CREBBP: variants seen among roughly 807,000 people sequenced by gnomAD.
The protein encoded by CREBBP is CREB-binding protein.
CREBBP carries 19 observed loss-of-function variants against 265.0 expected under a neutral mutation model. The ratio of observed to expected loss-of-function variants is 0.07; its 90% CI spans 0.05 to 0.11. The LOEUF (loss-of-function observed/expected upper bound fraction) is 0.11. Ranked by LOEUF, CREBBP falls within the 10% of genes least tolerant of loss-of-function variation. The pLI, the probability that CREBBP is intolerant of heterozygous loss-of-function variation, is 1.00. For synonymous variants in CREBBP, 1,457 were observed against 1,223.7 expected, an observed-to-expected ratio of 1.19 and a Z score of -3.98; for missense variants, 2,525 against 3,219.0, an observed-to-expected ratio of 0.78 and a Z score of 5.22.
chr16:3,758,849 C>T lies in CREBBP; in HGVS notation c.3369+5G>A, dbSNP rs1200155627. On this transcript the variant is annotated splice_donor_5th_base_variant and intron_variant, in intron 17 of 30. Transcript: ENST00000262367. ...GTTATAATCTATTTTTATGAATTAACTTACTGGAATTCCGAGGAGCTGGGG... is the reference window on the plus strand; with the variant it reads ...GTTATAATCTATTTTTATGAATTAATTTACTGGAATTCCGAGGAGCTGGGG... The T allele has an allele frequency of 6.3e-7, 1 of 1,599,252 alleles. No homozygotes were observed. Among genetic ancestry groups the T allele is most frequent in the Non-Finnish European group, 8.6e-7 (1 of 1,167,992 alleles).
In CREBBP at chr16:3,850,681, G is replaced by A. The variant is rs542552676; in HGVS notation, c.414C>T (p.Ala138=). 4.9e-5 allele frequency: 79 copies of A among 1,614,174 alleles called. No individual in the cohort carries two copies. The East Asian group carries it at 1.2e-3, about 25-fold the overall frequency. Reference sequence around the variant, plus strand: ...CAGCGGGGGTGGGCCCAGAGGTGCTGGCTGCCTGTTTAGGCAGGCTGGGGG... The same window carrying A: ...CAGCGGGGGTGGGCCCAGAGGTGCTAGCTGCCTGTTTAGGCAGGCTGGGGG... ...SSAPSLPKQA[A]STSGPTPAAS... is the part of the protein sequence containing the mutation. Residue 138 remains alanine (A), a synonymous_variant, in exon 2 of 31, where the codon GCC becomes GCT. Coordinates refer to ENST00000262367, the MANE Select transcript of CREBBP (RefSeq NM_004380.3).
At chr16:3,838,648 T>C (rs2054504559) in intron 2 of CREBBP, among the ~76,000 whole-genome samples, 2 of 152,230 alleles carry the variant, frequency 1.3e-5, no homozygotes, top group African/African-American at 4.8e-5. Flanking sequence ...TAAGTATGAC[T>C]GGATGATAGG....
chr16:3,773,597 C>A, intron 13 of CREBBP, 154 bp downstream of exon 13: 1 of 798,070 alleles, frequency 1.3e-6, no homozygotes, highest in Non-Finnish European at 2.0e-6. Flanking sequence ...GACTACAGGA[C>A]AAAGGTGGAG....
intron 28 of CREBBP, among the ~76,000 whole-genome samples, chr16:3,734,326 C>T (rs1170149472): frequency 6.6e-6 from 1 of 152,122 alleles, no homozygotes. Flanking sequence ...CCATTGTTGT[C>T]CATGAACCAA....
chr16:3,808,191 G>A (rs1339816413), intron 3 of CREBBP, among the ~76,000 whole-genome samples: 4 of 151,794 alleles, frequency 2.6e-5, no homozygotes, highest in Non-Finnish European at 5.9e-5. Context: ...GAGGCAGAGA[G>A]GAAAAGAAGT....
At chr16:3,766,100 T>G (rs2052845848) in intron 16 of CREBBP, among the ~76,000 whole-genome samples, 1 of 152,142 alleles carries the variant, frequency 6.6e-6, no homozygotes. Flanking sequence ...ATGGAAAATC[T>G]GCAGAACTTA....
At chr16:3,845,396 G>A (rs1209191774) in intron 2 of CREBBP, among the ~76,000 whole-genome samples, 3 of 152,172 alleles carry the variant, frequency 2.0e-5, no homozygotes, top group Admixed American at 2.0e-4. Flanking sequence ...TAAAGAAAAA[G>A]AGTTCAGAAA....
intron 16 of CREBBP, among the ~76,000 whole-genome samples, chr16:3,762,844 G>C (rs1173144936): frequency 6.7e-6 from 1 of 149,692 alleles, no homozygotes; most frequent in Non-Finnish European, 1.5e-5. Context: ...GCGCGATCTC[G>C]GCTCACTGCA....
rs371285951 is a variant in CREBBP at position 3,781,247 on chromosome 16, A to G, written c.1633T>C (p.Leu545=). ...GTCGGAAGAGCTGATTCTGAAATCA[A>G]GTTTGGGGGCTGCTGATCTGTTGTT... ...GITTDQQPPN[L]ISESALPTSL... is the part of the protein sequence containing the mutation. The change falls in exon 7 of 31, where the codon TTG becomes CTG. Residue 545 remains leucine, a synonymous_variant. Coordinates refer to ENST00000262367, the MANE Select transcript of CREBBP (RefSeq NM_004380.3). 109 of 1,613,958 alleles carry G rather than the reference A, an allele frequency of 6.8e-5. No homozygotes were observed. The highest frequency in any genetic ancestry group is 4.0e-5 in the African/African-American group (3 of 74,914).
At chr16:3,748,165 G>C (rs948466501) in intron 21 of CREBBP, among the ~76,000 whole-genome samples, 4 of 152,002 alleles carry the variant, frequency 2.6e-5, no homozygotes, top group Admixed American at 1.3e-4. Flanking sequence ...TGTAATCCCA[G>C]CCACTTGGGA....
At chr16:3,743,953 G>C (rs996056700) in intron 23 of CREBBP, among the ~76,000 whole-genome samples, 5 of 152,084 alleles carry the variant, frequency 3.3e-5, no homozygotes, top group Non-Finnish European at 5.9e-5. Context: ...GCGGGCGCCT[G>C]TAGTCCCAGC....
chr16:3,763,330 T>G (rs1289700167), intron 16 of CREBBP, among the ~76,000 whole-genome samples: 7 of 152,096 alleles, frequency 4.6e-5, no homozygotes, highest in Admixed American at 4.6e-4. Context: ...AGCTATTTTC[T>G]TATTTTTTTC....
intron 2 of CREBBP, among the ~76,000 whole-genome samples, chr16:3,831,669 C>T (rs891276011): frequency 2.0e-5 from 3 of 152,032 alleles, no homozygotes; most frequent in Admixed American, 1.3e-4. Context: ...AGAGAGCACA[C>T]CAGACATTAT....
At chr16:3,735,236 G>A (rs2052023020) in intron 28 of CREBBP, among the ~76,000 whole-genome samples, 2 of 152,170 alleles carry the variant, frequency 1.3e-5, no homozygotes, top group Non-Finnish European at 2.9e-5. Flanking sequence ...ACCATGCTTG[G>A]GTCTGGGTTC....
At chr16:3,845,288 C>T (rs1368035153) in intron 2 of CREBBP, among the ~76,000 whole-genome samples, 2 of 152,090 alleles carry the variant, frequency 1.3e-5, no homozygotes, top group East Asian at 3.9e-4. Context: ...TTGAGAACCA[C>T]CTGTGTGAGA....
Position 3,782,299 on chromosome 16 carries a change from A to C in CREBBP, c.1573+385T>G, listed in dbSNP as rs79247596. Among the ~76,000 whole-genome samples the C allele has an allele frequency of 7.6e-3, 1,159 of 152,278 alleles. 13 individuals carry two copies. Among genetic ancestry groups the C allele is most frequent in the Middle Eastern group, 0.02 (6 of 294 alleles). ...CTGGTCACTTCCAACTGAGGGGTAG[A>C]CCCTAACCAAGATGTGTGAGAAACT... On this transcript the variant is annotated intron_variant, in intron 6 of 30. Transcript: ENST00000262367.
At chr16:3,815,457 G>C (rs2054019143) in intron 2 of CREBBP, among the ~76,000 whole-genome samples, 1 of 149,668 alleles carries the variant, frequency 6.7e-6, no homozygotes, top group Non-Finnish European at 1.5e-5. Flanking sequence ...TTGAACCCGG[G>C]AGGCAGAAAA....
chr16:3,776,035 G>C (rs1464346707), intron 11 of CREBBP, among the ~76,000 whole-genome samples: 2 of 152,062 alleles, frequency 1.3e-5, no homozygotes, highest in Non-Finnish European at 2.9e-5. Context: ...TCCTGCCTCA[G>C]CCTCCCGCGT....
At chr16:3,777,514 G>A (rs546501012) in intron 11 of CREBBP, 99 bp downstream of exon 11, 2 of 1,242,798 alleles carry the variant, frequency 1.6e-6, no homozygotes, top group Non-Finnish European at 2.4e-6. Context: ...AAAGAAGAAA[G>A]GGTTAGAAAG....
Sources: allele counts gnomAD v4.1 joint callset (sites outside exome capture counted in the v4.1 genomes callset), GRCh38; gene constraint gnomAD v4.1.1; transcripts MANE v1.5; gene names NCBI Gene and HGNC (gene_info 2026-07-23, HGNC 2026-07-21).